Variants in MEI1 observed in about 807,000 individuals in gnomAD.
The protein encoded by MEI1 is meiotic double-stranded break formation protein 1.
MEI1 carries 103 observed loss-of-function variants against 146.2 expected under a neutral mutation model. The observed-to-expected ratio is 0.70, with a 90% CI of 0.60 to 0.83. The LOEUF (loss-of-function observed/expected upper bound fraction) is 0.83, where lower values mean the gene tolerates loss of function less well. Among genes scored for constraint, MEI1 ranks in the 40% least tolerant of loss-of-function variants. The pLI, the probability that MEI1 is intolerant of heterozygous loss-of-function variation, is 0.00. For synonymous variants in MEI1, 652 were observed against 628.2 expected (o/e 1.04, Z -0.57); for missense variants, 1,529 against 1,533.0 (o/e 1.00, Z 0.04).
chr22:41,796,820 GCCTGTAGT>G (rs1365698603), intron 30 of MEI1, among the ~76,000 whole-genome samples: 1 of 152,066 alleles, frequency 6.6e-6, no homozygotes, highest in Non-Finnish European at 1.5e-5. Flanking sequence ...GGTGGCATGT[GCCTGTAGT>G]CCTAGCTACT....
At chr22:41,746,723 A>G (rs1186923182) in intron 14 of MEI1, among the ~76,000 whole-genome samples, 1 of 152,120 alleles carries the variant, frequency 6.6e-6, no homozygotes, top group Non-Finnish European at 1.5e-5. Context: ...GGGAAAGGGC[A>G]ACTCCTAACC....
In MEI1 at chr22:41,748,237, T is replaced by G. The variant is rs369628246; in HGVS notation, c.1792+19T>G. On this transcript the variant is annotated intron_variant, in intron 15 of 30. Coordinates refer to ENST00000401548, the MANE Select transcript of MEI1 (RefSeq NM_152513.4). ...AAGCTTGGTAGGCAGCAGGCAAATG[T>G]GGAGGTTGGGAGGGAGGCAAGCACC... The G allele has an allele frequency of 2.6e-6, 4 of 1,559,858 alleles. No homozygotes were observed. The highest frequency in any genetic ancestry group is 3.5e-6 in the Non-Finnish European group (4 of 1,130,902).
intron 16 of MEI1, 58 bp from the exon 17 acceptor site, chr22:41,753,891 C>A: frequency 2.5e-6 from 3 of 1,209,520 alleles, no homozygotes; most frequent in Non-Finnish European, 3.7e-6. Flanking sequence ...AGGGATAATG[C>A]TCTCCCAGCC....
intron 3 of MEI1, among the ~76,000 whole-genome samples, chr22:41,713,231 G>C (rs1460257625): frequency 6.6e-6 from 1 of 152,174 alleles, no homozygotes; most frequent in Non-Finnish European, 1.5e-5. Flanking sequence ...CCAGCACTTT[G>C]GGAGACAGGC....
In MEI1 at chr22:41,732,288, G is replaced by A. The variant is rs1229225663; in HGVS notation, c.1140G>A (p.Met380Ile). 5 of 1,612,212 alleles carry A rather than the reference G, an allele frequency of 3.1e-6. No individual in the cohort carries two copies. The highest frequency in any genetic ancestry group is 1.3e-5 in the African/African-American group (1 of 74,896). The change falls in exon 10 of 31, where the codon ATG (methionine) becomes ATA (isoleucine). Residue 380 changes from methionine to isoleucine, a missense_variant. Around this residue, in one of 3 missense-constraint regions of MEI1, gnomAD observed 1,212 missense variants for 1,178.9 expected, o/e 1.03. Transcript: ENST00000401548. ...VVRSLQGSLK[M>I]NNIELHKQGL... ...GGAGCCTGCAGGGAAGCCTGAAGAT[G>A]AACAACATAGAGCTGCACAAGCAGG...
At chr22:41,744,910 A>G (rs2147777405) in intron 12 of MEI1, 63 bp from the exon 13 acceptor site, 1 of 1,035,150 alleles carries the variant, frequency 9.7e-7, no homozygotes, top group Non-Finnish European at 1.4e-6. Context: ...CAGTCATCCA[A>G]GCATAGACTG....
chr22:41,765,929 G>A (rs2148003920), intron 19 of MEI1, among the ~76,000 whole-genome samples: 1 of 123,538 alleles, frequency 8.1e-6, no homozygotes, highest in South Asian at 2.5e-4. Context: ...TTGCTCTGTC[G>A]CCAGGCTAGA....
intron 21 of MEI1, among the ~76,000 whole-genome samples, chr22:41,777,721 C>T (rs1417634665): frequency 6.6e-6 from 1 of 152,080 alleles, no homozygotes; most frequent in Non-Finnish European, 1.5e-5. Context: ...TTATTTCTCC[C>T]AGTTTTGGGG....
intron 20 of MEI1, among the ~76,000 whole-genome samples, chr22:41,773,993 T>G (rs2075318777): frequency 6.6e-6 from 1 of 152,184 alleles, no homozygotes; most frequent in Non-Finnish European, 1.5e-5. Flanking sequence ...GTCTAAAAAT[T>G]TTGTGTTGAT....
intron 6 of MEI1, among the ~76,000 whole-genome samples, chr22:41,721,237 CT>C (rs984702207): frequency 0.083 from 5,833 of 70,592 alleles, 42 homozygotes; most frequent in African/African-American, 0.16. Context: ...CACGCCCGTT[CT>C]TTTTTTTTTT....
chr22:41,776,085 T>G lies in MEI1; in HGVS notation c.2545-17T>G, dbSNP rs889046585. 3 of 1,611,570 alleles carry G rather than the reference T, an allele frequency of 1.9e-6. No individual in the cohort carries two copies. Among genetic ancestry groups the G allele is most frequent in the African/African-American group, 2.7e-5 (2 of 74,874 alleles). On this transcript the variant is annotated splice_polypyrimidine_tract_variant and intron_variant, in intron 20 of 30. Transcript: ENST00000401548. ...TGCAGTACCCTCTGATCTCTGGCTT[T>G]CTTCTCTCCTGCTCAGGACCTCATC...
At chr22:41,700,050 C>T (rs916848343) in intron 1 of MEI1, among the ~76,000 whole-genome samples, 1 of 152,266 alleles carries the variant, frequency 6.6e-6, no homozygotes, top group African/African-American at 2.4e-5. Flanking sequence ...CCCCTGCCTC[C>T]ATTTCCCGGG....
rs188075245 is a variant in MEI1, at chr22:41,737,122, T to C, written c.1331+4519T>C. ...CAACTCTGCCCAAAATAATATTCCC[T>C]TAAATCATTGTGTGACTGCGTTTTT... On this transcript the variant is annotated intron_variant, in intron 11 of 30. Transcript: ENST00000401548. Among the ~76,000 whole-genome samples the C allele has an allele frequency of 4.7e-4, 72 of 152,342 alleles. 1 individual carries two copies. The highest frequency in any genetic ancestry group is 4.6e-3 in the Admixed American group (70 of 15,302).
At chr22:41,705,642 T>C in intron 3 of MEI1, 88 bp downstream of exon 3, 1 of 1,153,596 alleles carries the variant, frequency 8.7e-7, no homozygotes, top group Non-Finnish European at 1.3e-6. Flanking sequence ...GGCGAAATTG[T>C]CTGTTTAGAC....
intron 30 of MEI1, among the ~76,000 whole-genome samples, chr22:41,798,876 CAAAA>C (rs36107725): frequency 2.6e-5 from 2 of 76,524 alleles, no homozygotes; most frequent in East Asian, 3.6e-4. Flanking sequence ...GACTATGTCT[CAAAA>C]AAAAAAAAAA....
intron 17 of MEI1, among the ~76,000 whole-genome samples, chr22:41,758,080 C>T (rs1199274997): frequency 6.6e-6 from 1 of 152,134 alleles, no homozygotes; most frequent in African/African-American, 2.4e-5. Context: ...TGCACTCCAG[C>T]ATGGGCAACA....
intron 26 of MEI1, among the ~76,000 whole-genome samples, chr22:41,791,912 T>C (rs368724006): frequency 2.6e-5 from 4 of 152,298 alleles, no homozygotes; most frequent in South Asian, 4.1e-4. Context: ...TGATTCTGCT[T>C]ATGAGAAATG....
At position 41,718,244 on chromosome 22, in the gene MEI1, C is replaced by G; in HGVS notation, c.703C>G (p.Gln235Glu). 6.2e-7 allele frequency: 1 copy of G among 1,613,894 alleles called. No individual in the cohort carries two copies. Among genetic ancestry groups the G allele is most frequent in the Non-Finnish European group, 8.5e-7 (1 of 1,179,876 alleles). ...PLFLSILDGA[Q>E]TKELQINCLG... ...CTTCCTTTCCATCCTGGATGGTGCC[C>G]AGACAAAGGAGCTGCAGATTAACTG... The change falls in exon 6 of 31, where the codon CAG (glutamine) becomes GAG (glutamate). Residue 235 changes from glutamine to glutamate, a missense_variant. Physicochemically the swap from Gln to Glu is conservative, Grantham distance 29. Coordinates refer to ENST00000401548, the MANE Select transcript of MEI1 (RefSeq NM_152513.4).
chr22:41,699,577 G>C lies in MEI1; in HGVS notation c.39G>C (p.Gly13=). 1.2e-6 allele frequency: 2 copies of C among 1,612,766 alleles called. No individual in the cohort carries two copies. The highest frequency in any genetic ancestry group is 1.7e-6 in the Non-Finnish European group (2 of 1,179,464). The change falls in exon 1 of 31, where the codon GGG becomes GGC. Residue 13 remains glycine, a synonymous_variant. Coordinates refer to ENST00000401548, the MANE Select transcript of MEI1 (RefSeq NM_152513.4). ...VRQAATAGTP[G]PRREEEAALL... ...AGGCGGCGACGGCGGGCACTCCCGG[G>C]CCCAGGAGAGAGGAAGAGGCGGCGC...
Sources: allele counts gnomAD v4.1 joint callset (sites outside exome capture counted in the v4.1 genomes callset), GRCh38; gene constraint gnomAD v4.1.1; regional missense constraint gnomAD v4.1.1; transcripts MANE v1.5; gene names NCBI Gene and HGNC (gene_info 2026-07-23, HGNC 2026-07-21).